The following PEBP4 variants were observed in gnomAD, a reference collection of about 807,000 sequenced individuals.
PEBP4 encodes phosphatidylethanolamine binding protein 4, also known as phosphatidylethanolamine-binding protein 4.
Under a neutral mutation model 23.9 loss-of-function variants are expected in PEBP4, and 22 were observed. That is an observed-to-expected ratio of 0.92 (90% CI 0.66 to 1.31). The LOEUF (loss-of-function observed/expected upper bound fraction) is 1.31, where lower values mean the gene tolerates loss of function less well. Among genes scored for constraint, PEBP4 ranks in the 40% most tolerant of loss-of-function variants. The probability of loss-of-function intolerance (pLI) is 0.00; values close to 1 mark genes in which losing one functional copy is unlikely to be tolerated. For synonymous variants in PEBP4, 112 were observed against 99.3 expected (o/e 1.13, Z -0.76); for missense variants, 324 against 281.7 (o/e 1.15, Z -1.07).
chr8:22,777,036 G>A (rs1805828198), intron 4 of PEBP4, among the ~76,000 whole-genome samples: 1 of 152,094 alleles, frequency 6.6e-6, no homozygotes, highest in East Asian at 1.9e-4. Flanking sequence ...CAGCAGCTGA[G>A]GTCCGGAGGG....
chr8:22,927,428 C>T (rs1809365154), intron 2 of PEBP4, among the ~76,000 whole-genome samples, 156 bp downstream of exon 2: 2 of 152,170 alleles, frequency 1.3e-5, no homozygotes, highest in Non-Finnish European at 2.9e-5. Flanking sequence ...CAGTGCCATC[C>T]TCCATCAAGG....
chr8:22,895,908 G>A (rs183675656), intron 3 of PEBP4: 1 of 152,368 alleles, frequency 6.6e-6, no homozygotes, highest in East Asian at 1.9e-4. Context: ...CAGCCTAGGT[G>A]GCATTGGCCC....
intron 2 of PEBP4, among the ~76,000 whole-genome samples, chr8:22,921,878 A>AG (rs914273476): frequency 6.6e-6 from 1 of 152,190 alleles, no homozygotes; most frequent in Non-Finnish European, 1.5e-5. Context: ...CGAGGCAGAG[A>AG]GGGGACCCAC....
chr8:22,860,504 A>G (rs1390389655), intron 3 of PEBP4, among the ~76,000 whole-genome samples: 1 of 152,024 alleles, frequency 6.6e-6, no homozygotes, highest in Non-Finnish European at 1.5e-5. Context: ...TGACTGGCTT[A>G]TTTCACTTAG....
At chr8:22,815,735 C>T (rs546254417) in intron 4 of PEBP4, among the ~76,000 whole-genome samples, 2 of 151,380 alleles carry the variant, frequency 1.3e-5, no homozygotes, top group South Asian at 4.2e-4. Flanking sequence ...CAGCTGCCAC[C>T]TGTCACCTGC....
At chr8:22,756,037 T>A (rs1805373806) in intron 4 of PEBP4, 1 of 152,256 alleles carries the variant, frequency 6.6e-6, no homozygotes, top group Non-Finnish European at 1.5e-5. Context: ...TTGATAATAA[T>A]CATTATAATG....
At chr8:22,747,486 G>T (rs1376131553) in intron 4 of PEBP4, 2 of 152,200 alleles carry the variant, frequency 1.3e-5, no homozygotes, top group East Asian at 3.8e-4. Flanking sequence ...TAATGAAGAT[G>T]ATTTATTGCA....
chr8:22,719,978 C>T (rs1425067687), intron 6 of PEBP4, among the ~76,000 whole-genome samples: 2 of 152,160 alleles, frequency 1.3e-5, no homozygotes, highest in East Asian at 1.9e-4. Flanking sequence ...GGTGTGAGAA[C>T]GTGCAGATCC....
At chr8:22,714,691 G>A (rs1345078920) in intron 6 of PEBP4, among the ~76,000 whole-genome samples, 2 of 152,012 alleles carry the variant, frequency 1.3e-5, no homozygotes, top group Non-Finnish European at 1.5e-5. Flanking sequence ...AAGAGGGCAA[G>A]GGGTTGGAAG....
At chr8:22,821,703 G>C (rs759320812) in intron 3 of PEBP4, among the ~76,000 whole-genome samples, 20 of 152,192 alleles carry the variant, frequency 1.3e-4, no homozygotes, top group Non-Finnish European at 2.4e-4. Context: ...AGGCTGAGGA[G>C]GGCCGGGTGC....
chr8:22,823,442 C>T (rs1806899868), intron 3 of PEBP4, among the ~76,000 whole-genome samples: 1 of 151,686 alleles, frequency 6.6e-6, no homozygotes, highest in Non-Finnish European at 1.5e-5. Context: ...TTTATATACT[C>T]ATATAAGAAA....
chr8:22,807,751 G>C (rs1346896083), intron 4 of PEBP4, among the ~76,000 whole-genome samples: 1 of 151,998 alleles, frequency 6.6e-6, no homozygotes, highest in Non-Finnish European at 1.5e-5. Flanking sequence ...ATCACAGAGT[G>C]ATGCCACCCC....
intron 1 of PEBP4, among the ~76,000 whole-genome samples, chr8:22,940,484 A>ATTTTTT (rs1809595592): frequency 5.0e-5 from 4 of 79,932 alleles, no homozygotes; most frequent in African/African-American, 2.6e-4. Context: ...TTTACCATGA[A>ATTTTTT]TTTCTCTTTT....
At position 22,713,364 on chromosome 8, in the gene PEBP4, G is replaced by A. The variant is rs759420439; in HGVS notation, c.*6C>T. On this transcript the variant is annotated 3_prime_UTR_variant, in exon 7 of 7. Coordinates refer to ENST00000256404, the MANE Select transcript of PEBP4 (RefSeq NM_144962.3). The stretch of plus-strand genomic sequence containing the variant: ...GGCCACATGCCCGGATGGCAAAGCC[G>A]GCTATCTAGCAGGCAGCTATCTCCG... 3.1e-5 allele frequency: 48 copies of A among 1,572,672 alleles called. No homozygotes were observed. Among genetic ancestry groups the A allele is most frequent in the Middle Eastern group, 4.5e-4 (2 of 4,430 alleles).
intron 4 of PEBP4, among the ~76,000 whole-genome samples, chr8:22,817,282 A>G (rs547924144): frequency 4.6e-5 from 7 of 152,312 alleles, no homozygotes; most frequent in Middle Eastern, 6.8e-3. Flanking sequence ...GCTGAAGCCA[A>G]TTGTTAACGT....
In PEBP4 at chr8:22,727,229, A is replaced by G. The variant is rs751420707; in HGVS notation, c.358-9T>C. 17 of 1,613,352 alleles carry G rather than the reference A, an allele frequency of 1.1e-5. No individual in the cohort carries two copies. The highest frequency in any genetic ancestry group is 1.4e-5 in the Non-Finnish European group (17 of 1,179,828). ...TTCTTCAGGTCGGCGCCCTGAAAGAAGAGACAAGCAGGGCTGTAGGTTATG... is the reference window on the plus strand; with the variant it reads ...TTCTTCAGGTCGGCGCCCTGAAAGAGGAGACAAGCAGGGCTGTAGGTTATG... On this transcript the variant is annotated splice_polypyrimidine_tract_variant and intron_variant, in intron 4 of 6. Transcript: ENST00000256404.
chr8:22,863,237 T>G (rs1033892238), intron 3 of PEBP4, among the ~76,000 whole-genome samples: 1 of 152,100 alleles, frequency 6.6e-6, no homozygotes, highest in African/African-American at 2.4e-5. Flanking sequence ...GCTGCCCCAG[T>G]AGACAAAGCT....
At chr8:22,766,402 T>A (rs1480032447) in intron 4 of PEBP4, among the ~76,000 whole-genome samples, 1 of 152,274 alleles carries the variant, frequency 6.6e-6, no homozygotes, top group Non-Finnish European at 1.5e-5. Context: ...CATAACCCTC[T>A]GTGCACTGGC....
At chr8:22,878,983 C>T (rs768183127) in intron 3 of PEBP4, among the ~76,000 whole-genome samples, 13 of 152,128 alleles carry the variant, frequency 8.5e-5, no homozygotes, top group Non-Finnish European at 1.3e-4. Context: ...GGCTATGGGG[C>T]GGGTGGTATC....
Sources: gnomAD v4.1 joint callset for allele counts (sites outside exome capture counted in the v4.1 genomes callset) on GRCh38, gnomAD v4.1.1 for gene constraint, MANE v1.5 for transcripts, NCBI Gene and HGNC (gene_info 2026-07-23, HGNC 2026-07-21) for gene names.